Variants in TNS3 observed in about 807,000 individuals in gnomAD.
The protein encoded by TNS3 is tensin-3.
In TNS3, 45 loss-of-function variants were observed where a neutral mutation model predicts 140.9. That is an observed-to-expected ratio of 0.32 (90% CI 0.25 to 0.41). The LOEUF (loss-of-function observed/expected upper bound fraction) is 0.41, where lower values mean the gene tolerates loss of function less well. TNS3 is among the 10% of genes least tolerant of loss of function. The probability of loss-of-function intolerance (pLI) is 1.00; values close to 1 mark genes in which losing one functional copy is unlikely to be tolerated. For missense variants in TNS3, 1,716 were observed against 1,906.7 expected (o/e 0.90, Z 1.86); for synonymous variants, 815 against 788.4 (o/e 1.03, Z -0.56).
chr7:47,475,836 A>G (rs1255168030), intron 4 of TNS3, among the ~76,000 whole-genome samples: 1 of 152,160 alleles, frequency 6.6e-6, no homozygotes, highest in Non-Finnish European at 1.5e-5. Flanking sequence ...ACTACCAAGG[A>G]CAGACTCGCA....
intron 16 of TNS3, among the ~76,000 whole-genome samples, chr7:47,371,680 A>G (rs1480987644): frequency 6.7e-6 from 1 of 150,358 alleles, no homozygotes; most frequent in Non-Finnish European, 1.5e-5. Flanking sequence ...AAAGACTGGA[A>G]AGACTGGACT....
At chr7:47,545,902 C>G (rs924580849) in intron 1 of TNS3, among the ~76,000 whole-genome samples, 1 of 152,180 alleles carries the variant, frequency 6.6e-6, no homozygotes, top group Non-Finnish European at 1.5e-5. Flanking sequence ...CAAACTCCAC[C>G]CCTACCACTT....
intron 1 of TNS3, among the ~76,000 whole-genome samples, chr7:47,581,818 G>C (rs1423371168): frequency 6.6e-6 from 1 of 150,640 alleles, no homozygotes; most frequent in African/African-American, 2.4e-5. Context: ...GGGTCCCCGC[G>C]CTCCCTAACC....
At position 47,512,465 on chromosome 7, in the gene TNS3, T is replaced by A. The variant is rs1798644024; in HGVS notation, c.-152-5521A>T. 2.6e-5 allele frequency among the ~76,000 whole-genome samples: 4 copies of A among 152,346 alleles called. No individual in the cohort carries two copies. In the South Asian group the frequency reaches 8.3e-4, roughly 32 times the overall value. ...ATAGTTTACCTAAGCAATAAAAAGATAAAATTACATATATATACAAACAAA... is the reference window on the plus strand; with the variant it reads ...ATAGTTTACCTAAGCAATAAAAAGAAAAAATTACATATATATACAAACAAA... On this transcript the variant is annotated intron_variant, in intron 2 of 30. Transcript: ENST00000311160.
intron 1 of TNS3, among the ~76,000 whole-genome samples, chr7:47,549,658 C>T (rs1800010293): frequency 6.6e-6 from 1 of 152,136 alleles, no homozygotes; most frequent in Non-Finnish European, 1.5e-5. Flanking sequence ...CAGTTTATGC[C>T]TCTCCTGCAT....
intron 1 of TNS3, among the ~76,000 whole-genome samples, chr7:47,563,578 A>C (rs1800361747): frequency 6.6e-6 from 1 of 152,184 alleles, no homozygotes; most frequent in Non-Finnish European, 1.5e-5. Context: ...GTGTCATCAA[A>C]GTCGACTTAC....
chr7:47,548,971 C>T (rs1315269529), intron 1 of TNS3, among the ~76,000 whole-genome samples: 2 of 152,172 alleles, frequency 1.3e-5, no homozygotes, highest in Non-Finnish European at 2.9e-5. Flanking sequence ...CTTTCTCTTA[C>T]AGCACACAGC....
intron 10 of TNS3, among the ~76,000 whole-genome samples, chr7:47,418,834 A>G (rs1432222906): frequency 6.6e-6 from 1 of 152,272 alleles, no homozygotes; most frequent in Non-Finnish European, 1.5e-5. Flanking sequence ...ACTAGACGTT[A>G]GCTTAAATCT....
intron 30 of TNS3, chr7:47,278,458 A>T: frequency 1.9e-6 from 1 of 521,666 alleles, no homozygotes. Context: ...CTGAGAGGTG[A>T]GTGCCCTGTC....
intron 4 of TNS3, among the ~76,000 whole-genome samples, chr7:47,450,374 C>G (rs1382095934): frequency 1.3e-5 from 2 of 152,212 alleles, no homozygotes; most frequent in Non-Finnish European, 2.9e-5. Context: ...TGTGGTTAAG[C>G]ATCAGCTTGA....
At chr7:47,357,055 C>T (rs1006750965) in intron 17 of TNS3, among the ~76,000 whole-genome samples, 1 of 152,176 alleles carries the variant, frequency 6.6e-6, no homozygotes, top group Non-Finnish European at 1.5e-5. Flanking sequence ...ACCAACTACA[C>T]TGCAGCCTGG....
intron 16 of TNS3, among the ~76,000 whole-genome samples, chr7:47,394,654 T>G (rs1792721941): frequency 6.6e-6 from 1 of 152,226 alleles, no homozygotes; most frequent in Non-Finnish European, 1.5e-5. Context: ...GTCCTCCACA[T>G]GTATGGATCT....
chr7:47,314,458 T>G (rs1787280114), intron 20 of TNS3, among the ~76,000 whole-genome samples: 1 of 152,110 alleles, frequency 6.6e-6, no homozygotes, highest in African/African-American at 2.4e-5. Flanking sequence ...CCGGCAGGGC[T>G]GGGGGAGGTG....
chr7:47,323,268 G>A (rs549705688), intron 20 of TNS3, among the ~76,000 whole-genome samples: 11 of 152,162 alleles, frequency 7.2e-5, no homozygotes, highest in South Asian at 2.1e-4. Context: ...ACCTATCTTC[G>A]AATCTTCAAA....
intron 4 of TNS3, among the ~76,000 whole-genome samples, chr7:47,475,844 G>A (rs539258629): frequency 7.2e-5 from 11 of 152,302 alleles, no homozygotes; most frequent in African/African-American, 1.7e-4. Flanking sequence ...GGACAGACTC[G>A]CATGCGCCCT....
chr7:47,447,222 C>T (rs918230258), intron 4 of TNS3, among the ~76,000 whole-genome samples: 1 of 151,854 alleles, frequency 6.6e-6, no homozygotes, highest in African/African-American at 2.4e-5. Flanking sequence ...AGATGCACTG[C>T]CTGGAGGGTC....
intron 3 of TNS3, among the ~76,000 whole-genome samples, chr7:47,491,251 T>A (rs999584470): frequency 6.6e-6 from 1 of 152,172 alleles, no homozygotes; most frequent in Non-Finnish European, 1.5e-5. Context: ...TAAACAAATA[T>A]GTATTTTAAA....
chr7:47,506,949 G>GAA lies in TNS3; in HGVS notation c.-152-7_-152-6dup, dbSNP rs148358400. 17 of 1,126,888 alleles carry GAA rather than the reference G, an allele frequency of 1.5e-5. No individual in the cohort carries two copies. The highest frequency in any genetic ancestry group is 3.3e-5 in the African/African-American group (2 of 61,148). The allele number at this position is 1,126,888 out of a possible 1,614,324, so 69.8% of individuals were successfully genotyped here. On this transcript the variant is annotated splice_polypyrimidine_tract_variant and splice_region_variant and intron_variant, in intron 2 of 30. Coordinates refer to ENST00000311160, the MANE Select transcript of TNS3 (RefSeq NM_022748.12). Reference sequence around the variant, plus strand: ...TGTGGCAGGAATACTTGCAGGCTGGGAAAAAAAAAAAGAGAAAGAATGTGT... The same window carrying GAA: ...TGTGGCAGGAATACTTGCAGGCTGGGAAAAAAAAAAAAAGAGAAAGAATGTGT...
chr7:47,435,420 G>A lies in TNS3; in HGVS notation c.202-16C>T. On this transcript the variant is annotated splice_polypyrimidine_tract_variant and intron_variant, in intron 7 of 30. Coordinates refer to ENST00000311160, the MANE Select transcript of TNS3 (RefSeq NM_022748.12). The stretch of plus-strand genomic sequence containing the variant: ...CATCCATGATCTGCAACAAGAAAGG[G>A]GAGCTTCCTCGGTTTCCATTTCCTA... 1 of 1,612,464 alleles carries A rather than the reference G, an allele frequency of 6.2e-7. No homozygotes were observed. Among genetic ancestry groups the A allele is most frequent in the Non-Finnish European group, 8.5e-7 (1 of 1,179,912 alleles).
Sources: allele counts gnomAD v4.1 joint callset (sites outside exome capture counted in the v4.1 genomes callset), GRCh38; gene constraint gnomAD v4.1.1; transcripts MANE v1.5; gene names NCBI Gene and HGNC (gene_info 2026-07-23, HGNC 2026-07-21).